LRRK2: variants seen among roughly 807,000 people sequenced by gnomAD.
LRRK2 encodes the protein leucine-rich repeat serine/threonine-protein kinase 2.
LRRK2 carries 203 observed loss-of-function variants against 302.6 expected under a neutral mutation model. The ratio of observed to expected loss-of-function variants is 0.67; its 90% CI spans 0.60 to 0.75. LRRK2 has a LOEUF of 0.75. Among genes scored for constraint, LRRK2 ranks in the 30% least tolerant of loss-of-function variants. LRRK2 has a pLI of 0.00. For synonymous variants in LRRK2, 1,066 were observed against 1,031.9 expected (o/e 1.03, Z -0.63); for missense variants, 2,830 against 2,951.0 (o/e 0.96, Z 0.95).
intron 2 of LRRK2, among the ~76,000 whole-genome samples, chr12:40,228,090 A>G (rs11175645): frequency 0.096 from 14,674 of 152,144 alleles, 781 homozygotes; most frequent in South Asian, 0.15. Flanking sequence ...CTTTTTTTGG[A>G]TATATACCCA....
chr12:40,333,481 A>G (rs1458470556), intron 39 of LRRK2, among the ~76,000 whole-genome samples: 1 of 152,130 alleles, frequency 6.6e-6, no homozygotes, highest in African/African-American at 2.4e-5. Context: ...AAAGTGCAAT[A>G]TACAGTATAA....
chr12:40,319,939 C>A, intron 33 of LRRK2, 49 bp from the exon 34 acceptor site: 1 of 1,550,814 alleles, frequency 6.4e-7, no homozygotes, highest in East Asian at 2.2e-5. Context: ...AAATTTGCAA[C>A]ATTTCAGAAA....
intron 44 of LRRK2, among the ~76,000 whole-genome samples, chr12:40,353,507 C>G (rs1433609791): frequency 1.7e-5 from 1 of 60,582 alleles, no homozygotes; most frequent in East Asian, 3.6e-4. Context: ...GACTGGGCAG[C>G]CGGGCAGAGG....
At position 40,314,137 on chromosome 12, in the gene LRRK2, G is replaced by T; in HGVS notation, c.4702G>T (p.Glu1568Ter). 6.2e-7 allele frequency: 1 copy of T among 1,612,606 alleles called. No individual in the cohort carries two copies. The highest frequency in any genetic ancestry group is 8.5e-7 in the Non-Finnish European group (1 of 1,178,948). Residue 1568 changes from glutamate to a stop codon, truncating the protein, a stop_gained, in exon 32 of 51, where the codon GAG (glutamate) becomes TAG (stop). Coordinates refer to ENST00000298910, the MANE Select transcript of LRRK2 (RefSeq NM_198578.4). LOFTEE classifies it high-confidence loss of function. Reference protein sequence around the residue: ...RENQLQLDENELPHAVHFLNE... With the variant: ...RENQLQLDEN Reference sequence around the variant, plus strand: ...AAATCAGCTGCAGTTAGATGAAAATGAGCTTCCTCACGCAGTTCACTTTCT... The same window carrying T: ...AAATCAGCTGCAGTTAGATGAAAATTAGCTTCCTCACGCAGTTCACTTTCT...
chr12:40,320,262 A>G, intron 34 of LRRK2, 87 bp downstream of exon 34: 1 of 1,017,420 alleles, frequency 9.8e-7, no homozygotes. Flanking sequence ...TCTATAATAG[A>G]TGTATTAAAT....
chr12:40,275,612 ATT>A (rs754582238), intron 16 of LRRK2, among the ~76,000 whole-genome samples: 28 of 141,890 alleles, frequency 2.0e-4, no homozygotes, highest in Admixed American at 5.0e-4. Context: ...CTACAAAGGA[ATT>A]TTTTTTTTTT....
intron 47 of LRRK2, among the ~76,000 whole-genome samples, chr12:40,363,022 A>G (rs1221442080): frequency 6.6e-6 from 1 of 152,072 alleles, no homozygotes; most frequent in East Asian, 1.9e-4. Context: ...CTGAGCATTC[A>G]TGAAACAAAG....
At chr12:40,309,461 T>G (rs1944962150) in intron 30 of LRRK2, among the ~76,000 whole-genome samples, 1 of 152,164 alleles carries the variant, frequency 6.6e-6, no homozygotes, top group African/African-American at 2.4e-5. Flanking sequence ...AACCTGAAAC[T>G]CTTTTATGCT....
At chr12:40,312,008 G>T (rs1406769248) in intron 31 of LRRK2, among the ~76,000 whole-genome samples, 4 of 150,274 alleles carry the variant, frequency 2.7e-5, no homozygotes, top group Admixed American at 6.6e-5. Context: ...TAACTTTGTT[G>T]TTACTGAGAA....
Position 40,351,650 on chromosome 12 carries a change from G to A in LRRK2, c.6493G>A (p.Ala2165Thr), listed in dbSNP as rs1258137538. Residue 2165 changes from alanine (A) to threonine (T), a missense_variant, in exon 44 of 51, where the codon GCA becomes ACA. Around this residue, in one of 3 missense-constraint regions of LRRK2, gnomAD observed 456 missense variants for 456.3 expected, o/e 1.00. Transcript: ENST00000298910. ...TGCTACACATCACAACAGCAGGAAT[G>A]CAAGCATTTGGCTGGGCTGTGGGCA... ...MVATHHNSRN[A>T]SIWLGCGHTD... 3.1e-6 allele frequency: 5 copies of A among 1,614,180 alleles called. No individual in the cohort carries two copies. The highest frequency in any genetic ancestry group is 4.2e-6 in the Non-Finnish European group (5 of 1,180,022).
At position 40,322,869 on chromosome 12, in the gene LRRK2, A is replaced by G. The variant is rs539824997; in HGVS notation, c.5510-291A>G. On this transcript the variant is annotated intron_variant, in intron 37 of 50. Coordinates refer to ENST00000298910, the MANE Select transcript of LRRK2 (RefSeq NM_198578.4). ...ATATAATAACAGCTGCAGCTTCATG[A>G]ATGTGGCAAAAGCAGAGAGTAGATA... is the stretch of plus-strand genomic sequence containing the variant. Among the ~76,000 whole-genome samples, 5 of 152,186 alleles carry G rather than the reference A, an allele frequency of 3.3e-5. No individual in the cohort carries two copies. The East Asian group carries it at 9.6e-4, about 29-fold the overall frequency.
intron 5 of LRRK2, among the ~76,000 whole-genome samples, chr12:40,239,522 C>T (rs1941630593): frequency 6.6e-6 from 1 of 152,022 alleles, no homozygotes; most frequent in Admixed American, 6.6e-5. Flanking sequence ...TGGAGGTAGA[C>T]CATAGAATGT....
intron 18 of LRRK2, among the ~76,000 whole-genome samples, chr12:40,280,409 A>T (rs1191369694): frequency 6.6e-6 from 1 of 151,728 alleles, no homozygotes; most frequent in Non-Finnish European, 1.5e-5. Context: ...GGATCATTTG[A>T]GCCCAGGAGT....
chr12:40,298,825 ATATAT>A (rs1454412487), intron 24 of LRRK2, among the ~76,000 whole-genome samples: 3 of 118,924 alleles, frequency 2.5e-5, no homozygotes, highest in Non-Finnish European at 3.4e-5. Flanking sequence ...TATATAATAC[ATATAT>A]TATATATATT....
At chr12:40,298,166 G>C in intron 23 of LRRK2, 77 bp from the exon 24 acceptor site, 1 of 1,467,910 alleles carries the variant, frequency 6.8e-7, no homozygotes, top group Non-Finnish European at 9.4e-7. Context: ...TACCAGAGGT[G>C]TGTAAGGCAG....
chr12:40,225,042 C>G lies in LRRK2; in HGVS notation c.-90C>G. On this transcript the variant is annotated 5_prime_UTR_variant, in exon 1 of 51. Transcript: ENST00000298910. ...GCTGCGGGCGGTGAGCTGAGCTCGC[C>G]CCCGGGGAGCTGTGGCCGGCGCCCC... 2 of 1,553,674 alleles carry G rather than the reference C, an allele frequency of 1.3e-6. No homozygotes were observed. The highest frequency in any genetic ancestry group is 1.4e-5 in the African/African-American group (1 of 73,660).
chr12:40,259,702 G>C, intron 13 of LRRK2, 98 bp downstream of exon 13: 3 of 1,452,608 alleles, frequency 2.1e-6, no homozygotes, highest in Non-Finnish European at 2.9e-6. Context: ...TAAAAGACTA[G>C]TTTCTGTCGA....
intron 40 of LRRK2, among the ~76,000 whole-genome samples, chr12:40,337,675 T>A (rs1167090453): frequency 6.6e-6 from 1 of 152,252 alleles, no homozygotes; most frequent in Non-Finnish European, 1.5e-5. Context: ...ATTATCAGAA[T>A]TTCTTTTCTA....
chr12:40,280,793 G>A (rs567770176), intron 18 of LRRK2, among the ~76,000 whole-genome samples: 6 of 151,580 alleles, frequency 4.0e-5, no homozygotes, highest in Admixed American at 1.3e-4. Flanking sequence ...CCGGTCGGGT[G>A]CGGTGGCTCA....
Sources: gnomAD v4.1 joint callset for allele counts (sites outside exome capture counted in the v4.1 genomes callset) on GRCh38, gnomAD v4.1.1 for gene constraint, gnomAD v4.1.1 regional missense constraint, MANE v1.5 for transcripts, NCBI Gene and HGNC (gene_info 2026-07-23, HGNC 2026-07-21) for gene names.